SRBD1: variants seen among roughly 807,000 people sequenced by gnomAD.
The protein encoded by SRBD1 is S1 RNA-binding domain-containing protein 1.
Under a neutral mutation model 115.3 loss-of-function variants are expected in SRBD1, and 88 were observed. The observed-to-expected ratio is 0.76, with a 90% CI of 0.64 to 0.91. The LOEUF (loss-of-function observed/expected upper bound fraction) is 0.91. Among genes scored for constraint, SRBD1 ranks in the 40% least tolerant of loss-of-function variants. SRBD1 has a pLI of 0.00. For missense variants in SRBD1, 1,385 were observed against 1,177.4 expected (o/e 1.18, Z -2.58); for synonymous variants, 509 against 407.7 (o/e 1.25, Z -2.99).
chr2:45,551,353 C>A (rs1484495643), intron 11 of SRBD1, 71 bp from the exon 12 acceptor site: 5 of 1,392,038 alleles, frequency 3.6e-6, no homozygotes, highest in African/African-American at 2.9e-5. Flanking sequence ...GAGCAGAATT[C>A]ATTTTGTACA....
At chr2:45,525,699 T>C (rs1225656338) in intron 14 of SRBD1, among the ~76,000 whole-genome samples, 1 of 152,062 alleles carries the variant, frequency 6.6e-6, no homozygotes, top group African/African-American at 2.4e-5. Flanking sequence ...ATGATACCTA[T>C]GATTTTTACT....
intron 16 of SRBD1, among the ~76,000 whole-genome samples, chr2:45,446,988 C>T (rs1365683326): frequency 6.6e-6 from 1 of 152,210 alleles, no homozygotes; most frequent in East Asian, 1.9e-4. Flanking sequence ...AGTCATCCAT[C>T]AGTGGCAGGG....
Position 45,414,792 on chromosome 2 carries a change from T to G in SRBD1, c.2334-1499A>C, listed in dbSNP as rs190425662. On this transcript the variant is annotated intron_variant, in intron 18 of 20. Coordinates refer to ENST00000263736, the MANE Select transcript of SRBD1 (RefSeq NM_018079.5). ...ATAGTATGTACACACACACATAGTGTGTATATAGTATGTACACACACATAT... is the reference window on the plus strand; with the variant it reads ...ATAGTATGTACACACACACATAGTGGGTATATAGTATGTACACACACATAT... 1.7e-3 allele frequency among the ~76,000 whole-genome samples: 246 copies of G among 142,416 alleles called. 6 individuals are homozygous for G. The East Asian group carries it at 0.045, about 26-fold the overall frequency. 93.4% of individuals were successfully genotyped at this position (142,416 alleles called of 152,430 possible). A position where few individuals can be genotyped will look rare whatever the true frequency, so the allele number is the denominator to read the frequency against.
chr2:45,499,407 C>T (rs1409913810), intron 14 of SRBD1, among the ~76,000 whole-genome samples: 3 of 152,084 alleles, frequency 2.0e-5, no homozygotes, highest in Non-Finnish European at 2.9e-5. Flanking sequence ...TTATTAATCC[C>T]TTTGTGATAG....
At position 45,485,742 on chromosome 2, in the gene SRBD1, T is replaced by TA. The variant is rs528414080; in HGVS notation, c.1966+2497dup. On this transcript the variant is annotated intron_variant, in intron 15 of 20. Transcript: ENST00000263736. Reference sequence around the variant, plus strand: ...TTATACAGCAAACTTTTAGAGGACTTAAAGGTAAAAAATCCACACTCGTAG... The same window carrying TA: ...TTATACAGCAAACTTTTAGAGGACTTAAAAGGTAAAAAATCCACACTCGTAG... 5.7e-4 allele frequency among the ~76,000 whole-genome samples: 86 copies of TA among 152,202 alleles called. No individual in the cohort carries two copies. In the South Asian group the frequency reaches 7.3e-3, roughly 13 times the overall value.
intron 14 of SRBD1, among the ~76,000 whole-genome samples, chr2:45,508,721 T>A (rs1428777235): frequency 2.0e-5 from 3 of 152,226 alleles, no homozygotes. Flanking sequence ...TTTTTATTCT[T>A]AGAACTTTTT....
intron 9 of SRBD1, among the ~76,000 whole-genome samples, chr2:45,568,470 A>G (rs1387574594): frequency 1.3e-5 from 2 of 152,176 alleles, no homozygotes; most frequent in African/African-American, 4.8e-5. Flanking sequence ...AACCTAGCAT[A>G]TCATCACTCC....
rs553667964 is a variant in SRBD1 at position 45,391,609 on chromosome 2, A to G, written c.2698+1336T>C. Among the ~76,000 whole-genome samples, 4 of 152,288 alleles carry G rather than the reference A, an allele frequency of 2.6e-5. No homozygotes were observed. The South Asian group carries it at 8.3e-4, about 32-fold the overall frequency. On this transcript the variant is annotated intron_variant, in intron 20 of 20. Transcript: ENST00000263736. The stretch of plus-strand genomic sequence containing the variant: ...TTACATTAGAGCAAAGGTCAGTTCC[A>G]AAGTTTTTTTAAAGAGACCTATTTA...
chr2:45,568,371 C>T (rs2104126797), intron 9 of SRBD1, among the ~76,000 whole-genome samples: 1 of 152,248 alleles, frequency 6.6e-6, no homozygotes, highest in African/African-American at 2.4e-5. Context: ...TGATACTGTG[C>T]TGGGGTTATC....
At chr2:45,484,283 C>G (rs1036269930) in intron 15 of SRBD1, among the ~76,000 whole-genome samples, 1 of 152,138 alleles carries the variant, frequency 6.6e-6, no homozygotes, top group Admixed American at 6.6e-5. Context: ...TTTGGGTGCT[C>G]TGGCCATTTC....
chr2:45,390,502 C>G (rs558030445), intron 20 of SRBD1, among the ~76,000 whole-genome samples: 3 of 152,308 alleles, frequency 2.0e-5, no homozygotes, highest in Admixed American at 2.0e-4. Context: ...ACAGTTTAAA[C>G]GGGGCTGTGG....
At chr2:45,590,267 G>A (rs1208673309) in intron 4 of SRBD1, among the ~76,000 whole-genome samples, 2 of 152,204 alleles carry the variant, frequency 1.3e-5, no homozygotes, top group African/African-American at 4.8e-5. Context: ...GGCGTACGCT[G>A]AACTAACTCT....
chr2:45,547,681 T>C, intron 12 of SRBD1, 69 bp from the exon 13 acceptor site: 2 of 1,341,718 alleles, frequency 1.5e-6, no homozygotes, highest in South Asian at 2.6e-5. Context: ...ATGATTTTGT[T>C]AAGCAAGTTG....
In SRBD1 at chr2:45,599,693, A is replaced by C. The variant is rs766327469; in HGVS notation, c.404T>G (p.Val135Gly). ...HTVRRTKKLKVEEETSKASNL... is the reference protein window; with the variant it reads ...HTVRRTKKLKGEEETSKASNL... ...GCTGGCTTTGCTGGTTTCTTCTTCA[A>C]CTTTCAGCTTTTTAGTCCTTCGAAC... Residue 135 changes from valine to glycine, a missense_variant, in exon 4 of 21, where the codon GTT (valine) becomes GGT (glycine). Val to Gly is a moderately radical substitution (Grantham distance 109). Coordinates refer to ENST00000263736, the MANE Select transcript of SRBD1 (RefSeq NM_018079.5). 3.1e-6 allele frequency: 5 copies of C among 1,613,944 alleles called. No individual in the cohort carries two copies. Among genetic ancestry groups the C allele is most frequent in the Admixed American group, 1.7e-5 (1 of 60,002 alleles).
At chr2:45,502,076 C>A (rs560137177) in intron 14 of SRBD1, among the ~76,000 whole-genome samples, 2 of 152,290 alleles carry the variant, frequency 1.3e-5, no homozygotes, top group East Asian at 1.9e-4. Context: ...GGCCGGGTAC[C>A]CCTCCAAGAC....
chr2:45,573,137 AAG>A, intron 9 of SRBD1, 68 bp downstream of exon 9: 1 of 1,445,388 alleles, frequency 6.9e-7, no homozygotes, highest in South Asian at 1.5e-5. Context: ...ATTCTTAGTA[AAG>A]TAGCAGGCAA....
chr2:45,416,536 T>C (rs1667837450), intron 18 of SRBD1, among the ~76,000 whole-genome samples: 1 of 152,200 alleles, frequency 6.6e-6, no homozygotes, highest in South Asian at 2.1e-4. Context: ...ATTAGAAATC[T>C]ATATGTAATA....
At chr2:45,597,867 GA>G (rs1380243371) in intron 4 of SRBD1, among the ~76,000 whole-genome samples, 1 of 152,190 alleles carries the variant, frequency 6.6e-6, no homozygotes, top group Non-Finnish European at 1.5e-5. Flanking sequence ...CAGAGTCATA[GA>G]ATAAGTAGCT....
chr2:45,477,771 G>A (rs1669847259), intron 15 of SRBD1, among the ~76,000 whole-genome samples: 1 of 152,176 alleles, frequency 6.6e-6, no homozygotes, highest in Non-Finnish European at 1.5e-5. Flanking sequence ...ATATACTCAT[G>A]TGGCCTTGAA....
Sources: gnomAD v4.1 joint callset for allele counts (sites outside exome capture counted in the v4.1 genomes callset) on GRCh38, gnomAD v4.1.1 for gene constraint, MANE v1.5 for transcripts, NCBI Gene and HGNC (gene_info 2026-07-23, HGNC 2026-07-21) for gene names.